The following ITM2C variants were observed in gnomAD, a reference collection of about 807,000 sequenced individuals.
The protein encoded by ITM2C is integral membrane protein 2C.
Under a neutral mutation model 30.0 loss-of-function variants are expected in ITM2C, and 20 were observed. The observed-to-expected ratio is 0.67, with a 90% CI of 0.47 to 0.97. ITM2C has a LOEUF of 0.97. ITM2C is among the 50% of genes least tolerant of loss of function. The pLI is 0.00. For synonymous variants in ITM2C, 167 were observed against 156.4 expected, an observed-to-expected ratio of 1.07 and a Z score of -0.51; for missense variants, 366 against 371.9, an observed-to-expected ratio of 0.98 and a Z score of 0.13.
At chr2:230,874,670 C>G (rs1697246359) in intron 2 of ITM2C, among the ~76,000 whole-genome samples, 1 of 152,210 alleles carries the variant, frequency 6.6e-6, no homozygotes, top group Admixed American at 6.5e-5. Flanking sequence ...CCACAGGAGC[C>G]CCCCATGCTG....
chr2:230,866,252 CTG>C (rs1697026542), intron 1 of ITM2C, among the ~76,000 whole-genome samples: 1 of 152,210 alleles, frequency 6.6e-6, no homozygotes, highest in Non-Finnish European at 1.5e-5. Flanking sequence ...TGAGGCAGGA[CTG>C]AGAAAGTCTT....
chr2:230,873,500 G>A lies in ITM2C; in HGVS notation c.204G>A (p.Leu68=). 6.2e-7 allele frequency: 1 copy of A among 1,611,360 alleles called. No individual in the cohort carries two copies. The highest frequency in any genetic ancestry group is 8.5e-7 in the Non-Finnish European group (1 of 1,178,814). ...ACCTGTCGATGGGCATGGTCGTGCT[G>A]CTCATGGGCCTCGTGTTCGCCTCTG... is the stretch of plus-strand genomic sequence containing the variant. The part of the protein sequence containing the change: ...VCYLSMGMVV[L]LMGLVFASVY... Residue 68 remains leucine (L), a synonymous_variant, in exon 2 of 6, where the codon CTG becomes CTA. Coordinates refer to ENST00000326427, the MANE Select transcript of ITM2C (RefSeq NM_030926.6).
intron 2 of ITM2C, among the ~76,000 whole-genome samples, chr2:230,873,999 C>T (rs985547284): frequency 6.6e-6 from 1 of 152,220 alleles, no homozygotes; most frequent in Non-Finnish European, 1.5e-5. Context: ...GAGTCTCCAC[C>T]ACCTCCTTCC....
At chr2:230,864,849 C>T, upstream of ITM2C, 1 of 744,908 alleles carries the variant, frequency 1.3e-6, no homozygotes, top group Non-Finnish European at 1.8e-6. This position sits in a 1 kb window ranked among gnomAD's most constrained non-coding sequence, Gnocchi z 4.3. Context: ...GGCGCAGGCG[C>T]GGCGGGCGCC....
intron 2 of ITM2C, 103 bp from the exon 3 acceptor site, chr2:230,875,517 G>T: frequency 9.9e-7 from 1 of 1,005,972 alleles, no homozygotes; most frequent in Non-Finnish European, 1.5e-6. Flanking sequence ...TGCTTCCGCA[G>T]GCTTTTGGGG....
rs182150357 is a variant in ITM2C, at chr2:230,868,263, C to G, written c.120+3118C>G. Among the ~76,000 whole-genome samples the G allele has an allele frequency of 2.5e-3, 387 of 152,144 alleles. 1 individual carries two copies. Among genetic ancestry groups the G allele is most frequent in the Non-Finnish European group, 4.7e-3 (319 of 67,964 alleles). ...GGGCTTCCAGCTGCCCGGCCTCCCC[C>G]CCTGGTGTTTTGACTCTGAGATAAT... On this transcript the variant is annotated intron_variant, in intron 1 of 5. Transcript: ENST00000326427.
chr2:230,879,175 AT>A lies in ITM2C; in HGVS notation c.*1077del, dbSNP rs1328629085. 6.6e-6 allele frequency: 1 copy of A among 152,568 alleles called. No homozygotes were observed. Among genetic ancestry groups the A allele is most frequent in the Non-Finnish European group, 1.5e-5 (1 of 68,030 alleles). The allele number at this position is 152,568 out of a possible 1,614,324, so 9.5% of individuals were successfully genotyped here. On this transcript the variant is annotated 3_prime_UTR_variant, in exon 6 of 6. Transcript: ENST00000326427. ...CAGTCTCTGGGGATGAAACTCTTAAATGCTTTGTATATTTTCTCAATTAGAT... is the reference window on the plus strand; with the variant it reads ...CAGTCTCTGGGGATGAAACTCTTAAAGCTTTGTATATTTTCTCAATTAGAT...
chr2:230,865,925 T>G lies in ITM2C; in HGVS notation c.120+780T>G, dbSNP rs1020978077. 2 of 149,288 alleles carry G rather than the reference T, an allele frequency of 1.3e-5. No individual in the cohort carries two copies. The highest frequency in any genetic ancestry group is 3.0e-5 in the Non-Finnish European group (2 of 67,558). 9.2% of individuals were successfully genotyped at this position (149,288 alleles called of 1,614,324 possible). A position where few individuals can be genotyped will look rare whatever the true frequency, so the allele number is the denominator to read the frequency against. ...AGGGCTCCCAACTGCCCCAGTGCCC[T>G]TGCATCCTGGGTCCCCGGGCTCTGT... On this transcript the variant is annotated intron_variant, in intron 1 of 5. Coordinates refer to ENST00000326427, the MANE Select transcript of ITM2C (RefSeq NM_030926.6). This position sits in a 1 kb window ranked among gnomAD's most constrained non-coding sequence, Gnocchi z 6.8.
chr2:230,877,330 G>C lies in ITM2C; in HGVS notation c.562-70G>C. On this transcript the variant is annotated intron_variant, in intron 4 of 5. Transcript: ENST00000326427. The surrounding 1 kb of genome is among the most constrained non-coding windows in gnomAD (Gnocchi z 4.8). Reference sequence around the variant, plus strand: ...GCCTCTGGAGGAGGGAGGTGGGCTGGCATTTCGGGCGAGGGGTTGGACGAA... The same window carrying C: ...GCCTCTGGAGGAGGGAGGTGGGCTGCCATTTCGGGCGAGGGGTTGGACGAA... The C allele has an allele frequency of 1.3e-6, 2 of 1,526,294 alleles. No homozygotes were observed. Among genetic ancestry groups the C allele is most frequent in the Non-Finnish European group, 1.8e-6 (2 of 1,112,298 alleles). The allele number at this position is 1,526,294 out of a possible 1,614,324, so 94.5% of individuals were successfully genotyped here. A position where few individuals can be genotyped will look rare whatever the true frequency, so the allele number is the denominator to read the frequency against.
At position 230,873,512 on chromosome 2, in the gene ITM2C, C is replaced by G. The variant is rs187397045; in HGVS notation, c.216C>G (p.Leu72=). The change falls in exon 2 of 6, where the codon CTC becomes CTG. Residue 72 remains leucine (L), a synonymous_variant. Transcript: ENST00000326427. ...GCATGGTCGTGCTGCTCATGGGCCT[C>G]GTGTTCGCCTCTGTCTACATCTACA... The part of the protein sequence containing the change: ...SMGMVVLLMG[L]VFASVYIYRY... The G allele has an allele frequency of 4.3e-6, 7 of 1,610,854 alleles. No individual in the cohort carries two copies. Among genetic ancestry groups the G allele is most frequent in the African/African-American group, 1.3e-5 (1 of 74,820 alleles).
intron 3 of ITM2C, among the ~76,000 whole-genome samples, chr2:230,876,083 C>T (rs1184762449): frequency 2.0e-5 from 3 of 152,244 alleles, no homozygotes; most frequent in African/African-American, 7.2e-5. Context: ...AGTACATTCA[C>T]CATCGAGTGC....
chr2:230,867,193 A>C (rs1213730909), intron 1 of ITM2C, among the ~76,000 whole-genome samples: 1 of 152,162 alleles, frequency 6.6e-6, no homozygotes, highest in Non-Finnish European at 1.5e-5. Flanking sequence ...AAAGAATTAG[A>C]ATCCTGGCAT....
intron 1 of ITM2C, among the ~76,000 whole-genome samples, chr2:230,870,624 G>C (rs571741364): frequency 3.3e-5 from 5 of 152,302 alleles, no homozygotes; most frequent in Non-Finnish European, 5.9e-5. Context: ...TCTTCAGCTG[G>C]GGCCGTGGAA....
intron 1 of ITM2C, among the ~76,000 whole-genome samples, chr2:230,867,542 T>A (rs1293717420): frequency 6.6e-6 from 1 of 152,076 alleles, no homozygotes; most frequent in East Asian, 1.9e-4. Flanking sequence ...CCCGTACTGT[T>A]GGGAATGCCC....
In ITM2C at chr2:230,865,564, G is replaced by A. The variant is rs1249411036; in HGVS notation, c.120+419G>A. On this transcript the variant is annotated intron_variant, in intron 1 of 5. Coordinates refer to ENST00000326427, the MANE Select transcript of ITM2C (RefSeq NM_030926.6). This position sits in a 1 kb window ranked among gnomAD's most constrained non-coding sequence, Gnocchi z 6.8. Reference sequence around the variant, plus strand: ...GTGGGGGATGGGAGGAGGGTTAGACGTAGTTTTTCCAAAGTAGGGCGGTGG... The same window carrying A: ...GTGGGGGATGGGAGGAGGGTTAGACATAGTTTTTCCAAAGTAGGGCGGTGG... The A allele has an allele frequency of 7.0e-6, 1 of 142,554 alleles. No homozygotes were observed. Among genetic ancestry groups the A allele is most frequent in the Non-Finnish European group, 1.5e-5 (1 of 66,410 alleles). The allele number at this position is 142,554 out of a possible 1,614,324, so 8.8% of individuals were successfully genotyped here. A position where few individuals can be genotyped will look rare whatever the true frequency, so the allele number is the denominator to read the frequency against.
Position 230,877,092 on chromosome 2 carries a change from T to A in ITM2C, c.561+125T>A. On this transcript the variant is annotated intron_variant, in intron 4 of 5. Coordinates refer to ENST00000326427, the MANE Select transcript of ITM2C (RefSeq NM_030926.6). The surrounding 1 kb of genome is among the most constrained non-coding windows in gnomAD (Gnocchi z 4.8). The stretch of plus-strand genomic sequence containing the variant: ...GGGTTGGGGGAGCAAGAGACATTGC[T>A]GGCACCTGGGCCCTGTACCCAGATT... The A allele has an allele frequency of 1.4e-6, 1 of 728,196 alleles. No individual in the cohort carries two copies. Among genetic ancestry groups the A allele is most frequent in the Non-Finnish European group, 2.4e-6 (1 of 421,562 alleles). 45.1% of individuals were successfully genotyped at this position (728,196 alleles called of 1,614,324 possible).
chr2:230,872,314 T>G (rs1697186169), intron 1 of ITM2C, among the ~76,000 whole-genome samples: 1 of 152,204 alleles, frequency 6.6e-6, no homozygotes, highest in Non-Finnish European at 1.5e-5. Context: ...CCGGGGCTTT[T>G]GCATTATCTC....
In ITM2C at chr2:230,877,592, C is replaced by G; in HGVS notation, c.712+42C>G. 6.2e-7 allele frequency: 1 copy of G among 1,607,196 alleles called. No homozygotes were observed. Among genetic ancestry groups the G allele is most frequent in the Non-Finnish European group, 8.5e-7 (1 of 1,176,838 alleles). On this transcript the variant is annotated intron_variant, in intron 5 of 5. Coordinates refer to ENST00000326427, the MANE Select transcript of ITM2C (RefSeq NM_030926.6). This position sits in a 1 kb window ranked among gnomAD's most constrained non-coding sequence, Gnocchi z 4.8. ...ACCCACAGTAGCCCCTGTCCCGTGC[C>G]CCAGACCACAGTTATCTTCACGCCT...
chr2:230,864,883 C>G (rs905300353), upstream of ITM2C: 10 of 1,034,452 alleles, frequency 9.7e-6, no homozygotes, highest in African/African-American at 1.3e-4. The surrounding 1 kb of genome is among the most constrained non-coding windows in gnomAD (Gnocchi z 4.3). Context: ...GGGGACGGGG[C>G]GGGGAGGGCT....
Sources: allele counts gnomAD v4.1 joint callset (sites outside exome capture counted in the v4.1 genomes callset), GRCh38; gene constraint gnomAD v4.1.1; non-coding constraint Gnocchi (gnomAD v3.1); transcripts MANE v1.5; gene names NCBI Gene and HGNC (gene_info 2026-07-23, HGNC 2026-07-21).